TBC1D15: variants seen among roughly 807,000 people sequenced by gnomAD.
TBC1D15 encodes the protein TBC1 domain family member 15.
A neutral mutation model predicts 95.4 loss-of-function variants in TBC1D15; 39 were observed. The observed-to-expected ratio is 0.41, with a 90% CI of 0.32 to 0.53. TBC1D15 has a LOEUF of 0.53. Among genes scored for constraint, TBC1D15 ranks in the 20% least tolerant of loss-of-function variants. TBC1D15 has a pLI of 0.29. For missense variants in TBC1D15, 733 were observed against 794.3 expected (o/e 0.92, Z 0.93); for synonymous variants, 258 against 261.3 (o/e 0.99, Z 0.12).
Position 71,913,891 on chromosome 12 carries a change from G to A in TBC1D15, c.1366G>A (p.Ala456Thr). ...LLYVMENEVD[A>T]FWCFASYMDQ... ...ATATGTGATGGAAAATGAAGTGGAT[G>A]CCTTTTGGTGCTTTGCCTCTTACAT... is the stretch of plus-strand genomic sequence containing the variant. Residue 456 changes from alanine (A) to threonine (T), a missense_variant, in exon 12 of 17, where the codon GCC (alanine) becomes ACC (threonine). By Grantham distance (58) the Ala-to-Thr change is moderately conservative (BLOSUM62 0). Coordinates refer to ENST00000485960, the MANE Select transcript of TBC1D15 (RefSeq NM_001146213.3). 2 of 1,595,894 alleles carry A rather than the reference G, an allele frequency of 1.3e-6. No homozygotes were observed. The highest frequency in any genetic ancestry group is 1.7e-6 in the Non-Finnish European group (2 of 1,173,904).
chr12:71,912,352 C>G (rs17110387), intron 11 of TBC1D15, among the ~76,000 whole-genome samples: 21,627 of 152,070 alleles, frequency 0.14, 2,099 homozygotes, highest in African/African-American at 0.27. Flanking sequence ...TGAGAACCCA[C>G]GTGCCCTTTT....
At chr12:71,884,721 C>T in intron 4 of TBC1D15, 90 bp from the exon 5 acceptor site, 1 of 1,227,766 alleles carries the variant, frequency 8.1e-7, no homozygotes, top group Non-Finnish European at 1.2e-6. Flanking sequence ...CTGGGTTCAA[C>T]TAATTTATGT....
At chr12:71,922,771 T>C (rs185698784) in intron 16 of TBC1D15, among the ~76,000 whole-genome samples, 1 of 152,280 alleles carries the variant, frequency 6.6e-6, no homozygotes, top group Non-Finnish European at 1.5e-5. Flanking sequence ...AGTGACTAAT[T>C]TGGAAGATAT....
intron 3 of TBC1D15, among the ~76,000 whole-genome samples, chr12:71,879,601 C>T (rs1382114783): frequency 1.3e-5 from 2 of 152,156 alleles, no homozygotes; most frequent in Admixed American, 6.5e-5. Flanking sequence ...ACGTTGTCTT[C>T]CATATTTGAT....
intron 1 of TBC1D15, chr12:71,849,901 G>C: frequency 1.8e-6 from 1 of 567,938 alleles, no homozygotes; most frequent in Admixed American, 2.1e-5. Context: ...AAAGCTTCCA[G>C]CGTCTTGAGG....
chr12:71,876,417 C>A (rs749837340), intron 3 of TBC1D15, among the ~76,000 whole-genome samples: 1 of 152,142 alleles, frequency 6.6e-6, no homozygotes, highest in Non-Finnish European at 1.5e-5. Flanking sequence ...TACATTTCTT[C>A]TCAGAATATT....
At chr12:71,858,556 T>C (rs1224515227) in intron 1 of TBC1D15, among the ~76,000 whole-genome samples, 1 of 147,822 alleles carries the variant, frequency 6.8e-6, no homozygotes, top group African/African-American at 2.6e-5. Flanking sequence ...TTTTTCTTTT[T>C]CTTTTTTTTT....
At chr12:71,875,885 C>T (rs747129345) in intron 3 of TBC1D15, among the ~76,000 whole-genome samples, 2 of 151,998 alleles carry the variant, frequency 1.3e-5, no homozygotes, top group Admixed American at 6.6e-5. Flanking sequence ...GAAATCTCCA[C>T]CTCCTGGGTT....
chr12:71,902,500 T>A (rs553037104), intron 10 of TBC1D15, among the ~76,000 whole-genome samples: 1 of 152,324 alleles, frequency 6.6e-6, no homozygotes, highest in African/African-American at 2.4e-5. Context: ...ATTCAATAAA[T>A]GTTCCTGGGA....
intron 3 of TBC1D15, among the ~76,000 whole-genome samples, chr12:71,879,135 CTTT>C (rs370132097): frequency 6.9e-6 from 1 of 144,598 alleles, no homozygotes. Context: ...CTCTCTCTCT[CTTT>C]TTTTTTTTTT....
intron 7 of TBC1D15, among the ~76,000 whole-genome samples, 185 bp from the exon 8 acceptor site, chr12:71,895,762 T>C (rs1419516937): frequency 6.6e-6 from 1 of 152,104 alleles, no homozygotes; most frequent in Non-Finnish European, 1.5e-5. Flanking sequence ...GTTGTGTGTT[T>C]AGTAGAAGGG....
intron 12 of TBC1D15, among the ~76,000 whole-genome samples, chr12:71,916,665 C>T (rs750574839): frequency 5.3e-5 from 8 of 152,074 alleles, no homozygotes; most frequent in East Asian, 1.9e-4. Context: ...AGGGTTAGGG[C>T]GGTAGGTTAC....
intron 1 of TBC1D15, among the ~76,000 whole-genome samples, chr12:71,846,043 C>T (rs916974011): frequency 1.3e-5 from 2 of 152,102 alleles, no homozygotes; most frequent in African/African-American, 2.4e-5. Context: ...AAAGTTCATT[C>T]TGTCTAAAAG....
chr12:71,897,630 G>A (rs889894291), intron 9 of TBC1D15, among the ~76,000 whole-genome samples: 1 of 151,906 alleles, frequency 6.6e-6, no homozygotes, highest in African/African-American at 2.4e-5. Flanking sequence ...GTTGAACAAA[G>A]TTTATCACAT....
At chr12:71,915,448 T>TAAAAAAAAAAAAAAAAAAAAAA (rs1236554792) in intron 12 of TBC1D15, among the ~76,000 whole-genome samples, 1 of 130,508 alleles carries the variant, frequency 7.7e-6, no homozygotes, top group Non-Finnish European at 1.7e-5. Context: ...GTAGATATTC[T>TAAAAAAAAAAAAAAAAAAAAAA]AAAAAAAAAA....
chr12:71,890,002 ATGGTGTATATATACCACAT>A, intron 5 of TBC1D15, among the ~76,000 whole-genome samples: 1 of 152,136 alleles, frequency 6.6e-6, no homozygotes, highest in Non-Finnish European at 1.5e-5. Context: ...GTAGTATTCC[ATGGTGTATATATACCACAT>A]TGTCTTTATC....
chr12:71,880,319 T>C (rs1894878312), intron 3 of TBC1D15, 150 bp from the exon 4 acceptor site: 1 of 487,110 alleles, frequency 2.1e-6, no homozygotes, highest in Non-Finnish European at 3.4e-6. Flanking sequence ...ATAAAGATGA[T>C]CAAGAGAGAA....
At chr12:71,858,557 CTTTTTTTT>C (rs1320497569) in intron 1 of TBC1D15, among the ~76,000 whole-genome samples, 3 of 93,358 alleles carry the variant, frequency 3.2e-5, no homozygotes, top group South Asian at 3.3e-4. Flanking sequence ...TTTTCTTTTT[CTTTTTTTT>C]TTTTTTTTGA....
chr12:71,890,731 C>A lies in TBC1D15; in HGVS notation c.555-2491C>A, dbSNP rs189805389. ...GTCAGTGCAACATAGGCCATCTTGA[C>A]GCTTAATATTTTTCAGATAGTTTTC... is the stretch of plus-strand genomic sequence containing the variant. On this transcript the variant is annotated intron_variant, in intron 5 of 16. Transcript: ENST00000485960. 4.1e-4 allele frequency among the ~76,000 whole-genome samples: 63 copies of A among 152,266 alleles called. 2 individuals carry two copies. The East Asian group carries it at 0.012, about 29-fold the overall frequency.
Sources: allele counts gnomAD v4.1 joint callset (sites outside exome capture counted in the v4.1 genomes callset), GRCh38; gene constraint gnomAD v4.1.1; transcripts MANE v1.5; gene names NCBI Gene and HGNC (gene_info 2026-07-23, HGNC 2026-07-21).